TRPM6: variants seen among roughly 807,000 people sequenced by gnomAD.
TRPM6 encodes channel kinase 2.
A neutral mutation model predicts 247.6 loss-of-function variants in TRPM6; 111 were observed. The ratio of observed to expected loss-of-function variants is 0.45; its 90% CI spans 0.38 to 0.52. TRPM6 has a LOEUF of 0.52. Ranked by LOEUF, TRPM6 falls within the 20% of genes least tolerant of loss-of-function variation. TRPM6 has a pLI of 0.00. For synonymous variants in TRPM6, 892 were observed against 853.8 expected (o/e 1.04, Z -0.78); for missense variants, 2,126 against 2,421.5 (o/e 0.88, Z 2.56).
chr9:74,838,216 A>G (rs1353621864), intron 5 of TRPM6, among the ~76,000 whole-genome samples: 1 of 152,220 alleles, frequency 6.6e-6, no homozygotes, highest in Non-Finnish European at 1.5e-5. Flanking sequence ...CACGACATGC[A>G]GTTAGTTATT....
intron 30 of TRPM6, among the ~76,000 whole-genome samples, chr9:74,750,113 T>A (rs2118783048): frequency 6.6e-6 from 1 of 152,332 alleles, no homozygotes; most frequent in African/African-American, 2.4e-5. Context: ...GAGTTCTCTA[T>A]CTTCTTTCTC....
At chr9:74,809,596 A>G (rs1165533802) in intron 13 of TRPM6, among the ~76,000 whole-genome samples, 1 of 152,054 alleles carries the variant, frequency 6.6e-6, no homozygotes, top group Non-Finnish European at 1.5e-5. Context: ...GGCACAGTTT[A>G]AAAAAAATAA....
intron 19 of TRPM6, among the ~76,000 whole-genome samples, chr9:74,791,169 C>T (rs1587509578): frequency 6.6e-6 from 1 of 152,208 alleles, no homozygotes; most frequent in African/African-American, 2.4e-5. Flanking sequence ...CCCAGCACTC[C>T]TGTCAGAGTC....
intron 1 of TRPM6, among the ~76,000 whole-genome samples, chr9:74,877,041 C>A (rs752805032): frequency 8.5e-5 from 13 of 152,146 alleles, no homozygotes; most frequent in Non-Finnish European, 1.6e-4. Context: ...GTCTTCATAC[C>A]CGCTAGGATG....
chr9:74,816,865 C>A (rs1265320296), intron 10 of TRPM6, 27 bp downstream of exon 10: 2 of 1,612,914 alleles, frequency 1.2e-6, no homozygotes, highest in Non-Finnish European at 8.5e-7. Context: ...AAATGAGGAA[C>A]AATTGCAACC....
At chr9:74,763,841 T>C (rs894854751) in intron 25 of TRPM6, among the ~76,000 whole-genome samples, 6 of 152,158 alleles carry the variant, frequency 3.9e-5, no homozygotes, top group Non-Finnish European at 7.4e-5. Context: ...TAAATGTAAG[T>C]TGCAAGTAAA....
At chr9:74,822,281 A>G (rs1829156277) in intron 7 of TRPM6, among the ~76,000 whole-genome samples, 1 of 152,092 alleles carries the variant, frequency 6.6e-6, no homozygotes, top group Admixed American at 6.6e-5. Context: ...ACAAGGTCTC[A>G]CTCTGTCAGC....
rs35618857 is a variant in TRPM6, at chr9:74,739,387, T to C, written c.5550A>G (p.Gln1850=). The change falls in exon 35 of 39, where the codon CAA becomes CAG. Residue 1850 remains glutamine, a synonymous_variant. Coordinates refer to ENST00000360774, the MANE Select transcript of TRPM6 (RefSeq NM_017662.5). ...CTTACCTTGGTGTGTAGGGTATGGT[T>C]TGTGGTTTCACTTGGTTGAAGGTAT... The part of the protein sequence containing the change: ...LIYTFNQVKP[Q]TIPYTPRFLE... The C allele has an allele frequency of 6.1e-4, 988 of 1,614,164 alleles. 5 individuals carry two copies. In the African/African-American group the frequency reaches 0.012, roughly 19 times the overall value.
At chr9:74,803,918 C>CTCTG in intron 14 of TRPM6, 32 bp from the exon 15 acceptor site, 1 of 1,271,554 alleles carries the variant, frequency 7.9e-7, no homozygotes, top group Non-Finnish European at 1.2e-6. Context: ...GCTGGTCACT[C>CTCTG]TCTGGCACGT....
Position 74,833,551 on chromosome 9 carries a change from C to A in TRPM6, c.669+447G>T, listed in dbSNP as rs1242582866. 3.3e-5 allele frequency among the ~76,000 whole-genome samples: 5 copies of A among 152,192 alleles called. No individual in the cohort carries two copies. The East Asian group carries it at 9.6e-4, about 29-fold the overall frequency. ...TGAAGTGTTTTACACAGAGGAATGG[C>A]GTGATCTGATTTGTATATTTTTAAA... On this transcript the variant is annotated intron_variant, in intron 6 of 38. Coordinates refer to ENST00000360774, the MANE Select transcript of TRPM6 (RefSeq NM_017662.5).
At chr9:74,846,745 C>T (rs1830121836) in intron 3 of TRPM6, among the ~76,000 whole-genome samples, 1 of 152,136 alleles carries the variant, frequency 6.6e-6, no homozygotes, top group Non-Finnish European at 1.5e-5. Context: ...GACAGGGTTT[C>T]ACCATGTTGC....
intron 1 of TRPM6, among the ~76,000 whole-genome samples, chr9:74,874,178 A>AT (rs1831118619): frequency 6.6e-6 from 1 of 151,796 alleles, no homozygotes; most frequent in African/African-American, 2.4e-5. Context: ...AGAGATTGCC[A>AT]TTAGCTGAGA....
intron 1 of TRPM6, among the ~76,000 whole-genome samples, chr9:74,876,345 A>C (rs1016074649): frequency 1.1e-4 from 16 of 152,202 alleles, no homozygotes. Flanking sequence ...CAGCCTCCCA[A>C]GTGCTGGGAT....
chr9:74,854,963 G>A (rs1830478796), intron 3 of TRPM6, among the ~76,000 whole-genome samples: 2 of 152,208 alleles, frequency 1.3e-5, no homozygotes, highest in African/African-American at 4.8e-5. Context: ...ACAGGTGTGA[G>A]TGACTGTGCC....
At chr9:74,820,164 C>G (rs891473952) in intron 9 of TRPM6, 140 bp downstream of exon 9, 33 of 905,320 alleles carry the variant, frequency 3.6e-5, no homozygotes, top group Admixed American at 6.2e-5. Context: ...TCTCCCTCCC[C>G]CCTCCACCCT....
intron 5 of TRPM6, among the ~76,000 whole-genome samples, chr9:74,834,512 G>C (rs967576788): frequency 6.6e-6 from 1 of 151,740 alleles, no homozygotes. Flanking sequence ...TGCGCACAAC[G>C]AGTGGGTTTG....
intron 21 of TRPM6, 58 bp downstream of exon 21, chr9:74,785,816 C>A (rs1009676792): frequency 9.4e-6 from 15 of 1,603,970 alleles, no homozygotes; most frequent in Non-Finnish European, 1.1e-5. Context: ...AGCCACCACA[C>A]CTGGCTAAAA....
intron 36 of TRPM6, among the ~76,000 whole-genome samples, chr9:74,737,629 A>C (rs535143): frequency 0.13 from 19,275 of 152,224 alleles, 1,476 homozygotes; most frequent in South Asian, 0.22. Flanking sequence ...GCAGCTGTGC[A>C]ACTCTGGGCA....
chr9:74,724,677 G>T lies in TRPM6; in HGVS notation c.6005C>A (p.Ser2002Ter). The T allele has an allele frequency of 1.2e-6, 2 of 1,614,156 alleles. No homozygotes were observed. The highest frequency in any genetic ancestry group is 1.7e-6 in the Non-Finnish European group (2 of 1,180,004). The change falls in exon 39 of 39, where the codon TCA becomes TAA. Residue 2002 changes from serine (S) to a stop codon, truncating the protein, a stop_gained. Transcript: ENST00000360774. LOFTEE classifies it low-confidence loss of function (END_TRUNC). Reference protein sequence around the residue: ...STFGLEIKIESAEEPPARETG... With the variant: ...STFGLEIKIE Reference sequence around the variant, plus strand: ...CTCCCTTGCTGGAGGCTCCTCAGCTGATTCTATTTTTATCTCAAGTCCAAA... The same window carrying T: ...CTCCCTTGCTGGAGGCTCCTCAGCTTATTCTATTTTTATCTCAAGTCCAAA...
Sources: allele counts gnomAD v4.1 joint callset (sites outside exome capture counted in the v4.1 genomes callset), GRCh38; gene constraint gnomAD v4.1.1; transcripts MANE v1.5; gene names NCBI Gene and HGNC (gene_info 2026-07-23, HGNC 2026-07-21).